SH3BGRL: variants seen among roughly 807,000 people sequenced by gnomAD.
SH3BGRL encodes adapter SH3BGRL.
SH3BGRL carries 7 observed loss-of-function variants against 9.8 expected under a neutral mutation model. The ratio of observed to expected loss-of-function variants is 0.72; its 90% CI spans 0.41 to 1.35. The LOEUF (loss-of-function observed/expected upper bound fraction) is 1.35. Ranked by LOEUF, SH3BGRL falls within the 40% of genes most tolerant of loss-of-function variation. The pLI is 0.01. For missense variants in SH3BGRL, 73 were observed against 84.4 expected (o/e 0.86, Z 0.53); for synonymous variants, 36 against 29.1 (o/e 1.24, Z -0.76).
intron 1 of SH3BGRL, among the ~76,000 whole-genome samples, chrX:81,269,635 T>A (rs896470731): frequency 7.7e-4 from 86 of 111,600 alleles, no homozygotes; most frequent in Non-Finnish European, 6.6e-4. Flanking sequence ...CCTTTCTCCC[T>A]GGCTGCCCTT....
chrX:81,217,935 G>A (rs1349475525), intron 1 of SH3BGRL, among the ~76,000 whole-genome samples: 1 of 110,729 alleles, frequency 9.0e-6, no homozygotes, highest in Non-Finnish European at 1.9e-5. Flanking sequence ...GAGCTCCTGT[G>A]TTAAGTGCAT....
intron 1 of SH3BGRL, among the ~76,000 whole-genome samples, chrX:81,249,314 G>C (rs2075701702): frequency 8.9e-6 from 1 of 111,868 alleles, no homozygotes; most frequent in Non-Finnish European, 1.9e-5. Context: ...ATGTCTCTTA[G>C]AGAGTAAATT....
chrX:81,211,123 G>A (rs960219464), intron 1 of SH3BGRL, among the ~76,000 whole-genome samples: 3 of 111,705 alleles, frequency 2.7e-5, no homozygotes, highest in Non-Finnish European at 5.6e-5. Flanking sequence ...AACTTTCTTT[G>A]CCTCTCATCA....
At chrX:81,276,127 T>G (rs918068632) in intron 1 of SH3BGRL, among the ~76,000 whole-genome samples, 1 of 110,751 alleles carries the variant, frequency 9.0e-6, no homozygotes, top group Non-Finnish European at 1.9e-5. Context: ...AGGGGTTAAT[T>G]ACCATTGATG....
At chrX:81,256,511 T>C (rs2147697970) in intron 1 of SH3BGRL, among the ~76,000 whole-genome samples, 1 of 111,982 alleles carries the variant, frequency 8.9e-6, no homozygotes, top group South Asian at 3.7e-4. Context: ...TTTGCTGTAA[T>C]TCAATAAATT....
At chrX:81,261,530 A>G (rs919115626) in intron 1 of SH3BGRL, among the ~76,000 whole-genome samples, 2 of 111,039 alleles carry the variant, frequency 1.8e-5, no homozygotes, top group African/African-American at 6.5e-5. Context: ...AGCCCATAAC[A>G]TATGTGCGGT....
rs1182394160 is a variant in SH3BGRL at position 81,269,119 on chromosome X, T to C, written c.46-7865T>C. On this transcript the variant is annotated intron_variant, in intron 1 of 3. Transcript: ENST00000373212. Reference sequence around the variant, plus strand: ...TTGGGCCTATGTTTGTCTCTGCATGTGAGATGGGTCTCCTGAATACAGCAC... The same window carrying C: ...TTGGGCCTATGTTTGTCTCTGCATGCGAGATGGGTCTCCTGAATACAGCAC... Among the ~76,000 whole-genome samples, 6 of 111,737 alleles carry C rather than the reference T, an allele frequency of 5.4e-5. No individual in the cohort carries two copies. The Admixed American group carries it at 5.7e-4, about 11-fold the overall frequency.
chrX:81,255,246 A>G (rs1229885284), intron 1 of SH3BGRL, among the ~76,000 whole-genome samples: 1 of 110,635 alleles, frequency 9.0e-6, no homozygotes, highest in Admixed American at 9.6e-5. Flanking sequence ...GGCCATTTAC[A>G]CTCTTTTACC....
chrX:81,294,591 C>A (rs761385263), intron 3 of SH3BGRL, among the ~76,000 whole-genome samples: 1 of 110,929 alleles, frequency 9.0e-6, no homozygotes, highest in African/African-American at 3.3e-5. Flanking sequence ...CATGGAGAAC[C>A]TCTGCTAGGG....
chrX:81,273,245 A>G (rs943004237), intron 1 of SH3BGRL, among the ~76,000 whole-genome samples: 8 of 112,719 alleles, frequency 7.1e-5, no homozygotes, highest in Admixed American at 9.4e-5. Flanking sequence ...TCTAAGTGGC[A>G]TTGCTAATAG....
chrX:81,202,461 C>T, intron 1 of SH3BGRL: 3 of 988,285 alleles, frequency 3.0e-6, no homozygotes, highest in Non-Finnish European at 3.8e-6. Flanking sequence ...TGCTTCGTGA[C>T]GTTGGGGGGC....
chrX:81,265,199 G>C (rs760300813), intron 1 of SH3BGRL, among the ~76,000 whole-genome samples: 9 of 97,463 alleles, frequency 9.2e-5, no homozygotes, highest in African/African-American at 3.0e-4. Flanking sequence ...ACAGAGTAGA[G>C]TTTTTTTTTT....
intron 1 of SH3BGRL, among the ~76,000 whole-genome samples, chrX:81,204,715 G>A (rs1290343007): frequency 1.8e-5 from 2 of 111,577 alleles, no homozygotes; most frequent in Non-Finnish European, 3.8e-5. Flanking sequence ...CCAGCCACTC[G>A]GGAGGCTGAG....
chrX:81,267,545 C>T (rs1023288963), intron 1 of SH3BGRL, among the ~76,000 whole-genome samples: 1 of 111,637 alleles, frequency 9.0e-6, no homozygotes, highest in Admixed American at 9.5e-5. Flanking sequence ...CCTTGCCTCC[C>T]AGGGATGAAG....
intron 3 of SH3BGRL, among the ~76,000 whole-genome samples, chrX:81,288,557 A>T (rs2075845343): frequency 8.9e-6 from 1 of 112,416 alleles, no homozygotes; most frequent in Non-Finnish European, 1.9e-5. Context: ...TCACCAAAAA[A>T]CCATTAGGAC....
chrX:81,284,060 C>T (rs1345748789), intron 3 of SH3BGRL, among the ~76,000 whole-genome samples: 3 of 109,547 alleles, frequency 2.7e-5, no homozygotes, highest in Non-Finnish European at 3.8e-5. Flanking sequence ...AACTCAACCC[C>T]TTTTATGTTA....
At position 81,276,971 on chromosome X, in the gene SH3BGRL, C is replaced by T. The variant is rs372695080; in HGVS notation, c.46-13C>T. The T allele has an allele frequency of 1.7e-6, 2 of 1,191,650 alleles. No homozygotes were observed. Among genetic ancestry groups the T allele is most frequent in the Non-Finnish European group, 2.3e-6 (2 of 885,537 alleles). ...GAATTTGGAAAATACGGTTTCTTGTCCTTTGGTCCTAGATTAAGAAGAAAC... is the reference window on the plus strand; with the variant it reads ...GAATTTGGAAAATACGGTTTCTTGTTCTTTGGTCCTAGATTAAGAAGAAAC... On this transcript the variant is annotated splice_polypyrimidine_tract_variant and intron_variant, in intron 1 of 3. Transcript: ENST00000373212.
intron 3 of SH3BGRL, among the ~76,000 whole-genome samples, chrX:81,288,885 A>G (rs2075846826): frequency 8.9e-6 from 1 of 111,858 alleles, no homozygotes; most frequent in African/African-American, 3.2e-5. Context: ...TTCAATTAAT[A>G]TAAAAATATC....
At chrX:81,213,637 G>A (rs1026823244) in intron 1 of SH3BGRL, among the ~76,000 whole-genome samples, 2 of 110,696 alleles carry the variant, frequency 1.8e-5, no homozygotes, top group Non-Finnish European at 3.8e-5. Flanking sequence ...TAATGGACCC[G>A]TCAAAAGTTA....
Sources: gnomAD v4.1 joint callset for allele counts (sites outside exome capture counted in the v4.1 genomes callset) on GRCh38, gnomAD v4.1.1 for gene constraint, MANE v1.5 for transcripts, NCBI Gene and HGNC (gene_info 2026-07-23, HGNC 2026-07-21) for gene names.